The following ROBO2 variants were observed in gnomAD, a reference collection of about 807,000 sequenced individuals.
ROBO2 encodes the protein roundabout homolog 2.
ROBO2 carries 53 observed loss-of-function variants against 160.8 expected under a neutral mutation model. That is an observed-to-expected ratio of 0.33 (90% CI 0.26 to 0.41). The LOEUF is 0.41. Ranked by LOEUF, ROBO2 falls within the 10% of genes least tolerant of loss-of-function variation. The probability of loss-of-function intolerance (pLI) is 1.00; values close to 1 mark genes in which losing one functional copy is unlikely to be tolerated. For synonymous variants in ROBO2, 664 were observed against 611.7 expected (o/e 1.09, Z -1.26); for missense variants, 1,577 against 1,722.4 (o/e 0.92, Z 1.49).
intron 2 of ROBO2, among the ~76,000 whole-genome samples, chr3:76,258,252 TATATTTG>T (rs1373107068): frequency 2.0e-5 from 3 of 152,062 alleles, no homozygotes; most frequent in Admixed American, 1.3e-4. Flanking sequence ...CTTTAATCTG[TATATTTG>T]ATATTTGATG....
At chr3:77,023,365 G>A (rs1239311945) in intron 2 of ROBO2, among the ~76,000 whole-genome samples, 1 of 152,072 alleles carries the variant, frequency 6.6e-6, no homozygotes, top group Non-Finnish European at 1.5e-5. Flanking sequence ...GTTTTTATCA[G>A]CAGCATGAAA....
intron 2 of ROBO2, among the ~76,000 whole-genome samples, chr3:76,781,893 T>C (rs889226470): frequency 6.6e-6 from 1 of 150,786 alleles, no homozygotes; most frequent in Non-Finnish European, 1.5e-5. Context: ...AGTTTATAAA[T>C]GTTTCTTCCT....
At chr3:77,214,398 C>T (rs2084634179) in intron 2 of ROBO2, among the ~76,000 whole-genome samples, 1 of 152,142 alleles carries the variant, frequency 6.6e-6, no homozygotes, top group Non-Finnish European at 1.5e-5. Context: ...ACTAGGATTG[C>T]AACCCCTGCC....
At chr3:75,988,025 T>C (rs1012824846) in intron 2 of ROBO2, among the ~76,000 whole-genome samples, 1 of 152,092 alleles carries the variant, frequency 6.6e-6, no homozygotes, top group Non-Finnish European at 1.5e-5. Context: ...TGTCTGGTTT[T>C]GGTAGTAGGG....
chr3:77,554,645 C>A (rs2093043850), intron 8 of ROBO2, among the ~76,000 whole-genome samples: 1 of 151,908 alleles, frequency 6.6e-6, no homozygotes, highest in African/African-American at 2.4e-5. Context: ...GAAGTAACTG[C>A]ACATGTGGTA....
At chr3:76,767,478 A>G (rs1042144851) in intron 2 of ROBO2, among the ~76,000 whole-genome samples, 3 of 151,624 alleles carry the variant, frequency 2.0e-5, no homozygotes, top group Non-Finnish European at 3.0e-5. Context: ...AATGACGTAG[A>G]TAAGTAAAAT....
At chr3:76,126,816 TATAAA>T (rs1275555589) in intron 2 of ROBO2, among the ~76,000 whole-genome samples, 1 of 152,150 alleles carries the variant, frequency 6.6e-6, no homozygotes, top group Non-Finnish European at 1.5e-5. Flanking sequence ...TATTTACAGT[TATAAA>T]ATAACATGTG....
intron 2 of ROBO2, among the ~76,000 whole-genome samples, chr3:76,948,885 TATATATATATATATATATATATA>T (rs1559749544): frequency 1.8e-4 from 4 of 21,976 alleles, no homozygotes; most frequent in Admixed American, 6.2e-4. Flanking sequence ...TATATATATA[TATATATATATATATATATATATA>T]TTTTTTTTTT....
intron 2 of ROBO2, among the ~76,000 whole-genome samples, chr3:76,071,378 A>G (rs866190744): frequency 6.6e-6 from 1 of 152,166 alleles, no homozygotes; most frequent in South Asian, 2.1e-4. Flanking sequence ...ATTACTACAG[A>G]GTTAACTATA....
intron 2 of ROBO2, among the ~76,000 whole-genome samples, chr3:76,908,727 A>G (rs553680243): frequency 2.0e-5 from 3 of 152,322 alleles, no homozygotes; most frequent in East Asian, 1.9e-4. Context: ...CAACTAAGAA[A>G]GTTTTTACTT....
At chr3:75,938,869 G>A (rs1947911096) in intron 2 of ROBO2, among the ~76,000 whole-genome samples, 1 of 152,050 alleles carries the variant, frequency 6.6e-6, no homozygotes, top group African/African-American at 2.4e-5. Flanking sequence ...ATTTATATTA[G>A]CATCTAATAG....
At chr3:76,280,785 C>G (rs900777062) in intron 2 of ROBO2, among the ~76,000 whole-genome samples, 4 of 151,936 alleles carry the variant, frequency 2.6e-5, no homozygotes, top group African/African-American at 9.7e-5. Context: ...TTGAGTTCTT[C>G]CCCAAAGAGC....
intron 2 of ROBO2, among the ~76,000 whole-genome samples, chr3:77,276,149 A>C (rs2059808398): frequency 6.6e-6 from 1 of 151,816 alleles, no homozygotes; most frequent in African/African-American, 2.4e-5. Flanking sequence ...TCACATTTTC[A>C]TTGTATCCAT....
intron 2 of ROBO2, among the ~76,000 whole-genome samples, chr3:76,555,401 AGAAGAAGAAGAAGAAGAAAGAAGG>A (rs1344870286): frequency 1.4e-5 from 1 of 72,704 alleles, no homozygotes; most frequent in Non-Finnish European, 4.0e-5. Context: ...AAGAAGAAGA[AGAAGAAGAAGAAGAAGAAAGAAGG>A]AGAAGGGGAA....
intron 2 of ROBO2, among the ~76,000 whole-genome samples, chr3:76,474,666 C>T (rs1052669692): frequency 6.6e-6 from 1 of 152,062 alleles, no homozygotes; most frequent in African/African-American, 2.4e-5. Flanking sequence ...CACAAAAATA[C>T]TATGTATCAA....
At chr3:76,220,736 A>G (rs1056268062) in intron 2 of ROBO2, among the ~76,000 whole-genome samples, 3 of 151,846 alleles carry the variant, frequency 2.0e-5, no homozygotes, top group Admixed American at 6.6e-5. Context: ...GAAAACAAAC[A>G]TATTTGATGA....
intron 1 of ROBO2, among the ~76,000 whole-genome samples, chr3:75,923,149 A>T (rs574633509): frequency 2.0e-5 from 3 of 152,164 alleles, no homozygotes; most frequent in East Asian, 1.9e-4. Flanking sequence ...GTTTTTTTTT[A>T]AAACATACAC....
intron 2 of ROBO2, among the ~76,000 whole-genome samples, chr3:75,971,521 C>A (rs912458102): frequency 6.6e-6 from 1 of 151,482 alleles, no homozygotes; most frequent in Non-Finnish European, 1.5e-5. Context: ...CAGAAAAATT[C>A]AATTCATCCT....
At position 76,129,200 on chromosome 3, in the gene ROBO2, G is replaced by A. The variant is rs147255902; in HGVS notation, c.109+191598G>A. ...TGATCTATCGATGACCAAAGCCTCTGTTTGAGTGATGTGAAAAATATTCTT... is the reference window on the plus strand; with the variant it reads ...TGATCTATCGATGACCAAAGCCTCTATTTGAGTGATGTGAAAAATATTCTT... On this transcript the variant is annotated intron_variant, in intron 2 of 26. Transcript: ENST00000487694. 1.0e-3 allele frequency among the ~76,000 whole-genome samples: 159 copies of A among 152,168 alleles called. 1 individual carries two copies. The highest frequency in any genetic ancestry group is 3.7e-3 in the African/African-American group (153 of 41,532).
Sources: allele counts gnomAD v4.1 joint callset (sites outside exome capture counted in the v4.1 genomes callset), GRCh38; gene constraint gnomAD v4.1.1; transcripts MANE v1.5; gene names NCBI Gene and HGNC (gene_info 2026-07-23, HGNC 2026-07-21).